Variants in ATRNL1 observed in about 807,000 individuals in gnomAD.
ATRNL1 encodes attractin-like protein 1.
A neutral mutation model predicts 182.7 loss-of-function variants in ATRNL1; 95 were observed. The ratio of observed to expected loss-of-function variants is 0.52; its 90% CI spans 0.44 to 0.62. The LOEUF is 0.62. Among genes scored for constraint, ATRNL1 ranks in the 20% least tolerant of loss-of-function variants. ATRNL1 has a pLI of 0.00. For synonymous variants in ATRNL1, 576 were observed against 568.3 expected (o/e 1.01, Z -0.19); for missense variants, 1,471 against 1,679.5 (o/e 0.88, Z 2.17).
chr10:115,869,050 T>C (rs1290994392), intron 28 of ATRNL1, among the ~76,000 whole-genome samples: 1 of 151,896 alleles, frequency 6.6e-6, no homozygotes, highest in Non-Finnish European at 1.5e-5. Flanking sequence ...AGGATTGTCT[T>C]GATCTCCTGA....
At chr10:115,391,626 T>C (rs1377130457) in intron 19 of ATRNL1, among the ~76,000 whole-genome samples, 50 of 152,242 alleles carry the variant, frequency 3.3e-4, no homozygotes, top group Admixed American at 2.3e-3. Flanking sequence ...AATGCATTTT[T>C]TTTTTTCTTT....
chr10:115,756,405 C>G lies in ATRNL1; in HGVS notation c.3903+29050C>G, dbSNP rs182134388. On this transcript the variant is annotated intron_variant, in intron 27 of 28. Coordinates refer to ENST00000355044, the MANE Select transcript of ATRNL1 (RefSeq NM_207303.4). ...TTTAAAAGAACATCTTTATTTCTGC[C>G]TTAATTTCATTACTTATCCACTAGT... Among the ~76,000 whole-genome samples the G allele has an allele frequency of 3.8e-3, 581 of 152,242 alleles. 3 individuals carry two copies. Among genetic ancestry groups the G allele is most frequent in the African/African-American group, 0.013 (548 of 41,554 alleles).
intron 8 of ATRNL1, among the ~76,000 whole-genome samples, chr10:115,173,286 G>A (rs1847366303): frequency 6.6e-6 from 1 of 151,914 alleles, no homozygotes; most frequent in Non-Finnish European, 1.5e-5. Context: ...TAGAAGGGCA[G>A]TTTTCTTTTC....
intron 7 of ATRNL1, among the ~76,000 whole-genome samples, chr10:115,170,154 C>G (rs188626812): frequency 2.0e-4 from 30 of 152,230 alleles, no homozygotes; most frequent in Admixed American, 1.2e-3. Context: ...CTGGAACATC[C>G]ACTACAATGT....
intron 24 of ATRNL1, among the ~76,000 whole-genome samples, chr10:115,478,676 A>G (rs1848634713): frequency 6.6e-6 from 1 of 151,710 alleles, no homozygotes; most frequent in Non-Finnish European, 1.5e-5. Flanking sequence ...ACTTAAGGGA[A>G]AGGCTTTAAC....
rs558095278 is a variant in ATRNL1, at chr10:115,871,263, A to G, written c.4018+23272A>G. Among the ~76,000 whole-genome samples, 25 of 151,924 alleles carry G rather than the reference A, an allele frequency of 1.6e-4. 3 individuals carry two copies. The South Asian group carries it at 4.8e-3, about 29-fold the overall frequency. On this transcript the variant is annotated intron_variant, in intron 28 of 28. Coordinates refer to ENST00000355044, the MANE Select transcript of ATRNL1 (RefSeq NM_207303.4). ...CCCTTTACACTAAGGCATTATTCCC[A>G]TAATCTTACAAATTTCCCATAATCT...
At chr10:115,115,847 A>G (rs1236787562) in intron 1 of ATRNL1, among the ~76,000 whole-genome samples, 1 of 152,156 alleles carries the variant, frequency 6.6e-6, no homozygotes, top group Non-Finnish European at 1.5e-5. Flanking sequence ...AGGATAGACA[A>G]CAACATCCCA....
intron 8 of ATRNL1, among the ~76,000 whole-genome samples, chr10:115,177,446 AT>A (rs1332878478): frequency 1.3e-5 from 2 of 152,194 alleles, no homozygotes; most frequent in Admixed American, 1.3e-4. Context: ...ATGAGACAGG[AT>A]TTCAGTGAAA....
chr10:115,771,741 T>G (rs1948998573), intron 27 of ATRNL1, among the ~76,000 whole-genome samples: 1 of 152,162 alleles, frequency 6.6e-6, no homozygotes, highest in African/African-American at 2.4e-5. Context: ...ACATAAGAGA[T>G]CATAGATGTA....
At chr10:115,386,741 G>A (rs1858376496) in intron 19 of ATRNL1, among the ~76,000 whole-genome samples, 1 of 150,818 alleles carries the variant, frequency 6.6e-6, no homozygotes, top group Non-Finnish European at 1.5e-5. Flanking sequence ...GTATACATGT[G>A]CCATGCTGGT....
intron 20 of ATRNL1, among the ~76,000 whole-genome samples, chr10:115,405,848 C>A (rs1382373955): frequency 8.8e-6 from 1 of 113,264 alleles, no homozygotes; most frequent in Non-Finnish European, 1.7e-5. Context: ...CCCCCTCCCC[C>A]CACCCCACAA....
At chr10:115,587,655 G>A (rs1434257042) in intron 26 of ATRNL1, among the ~76,000 whole-genome samples, 2 of 152,150 alleles carry the variant, frequency 1.3e-5, no homozygotes, top group African/African-American at 2.4e-5. Flanking sequence ...TGCACCCACT[G>A]TCTGGCACTC....
chr10:115,221,606 T>C (rs1031566214), intron 9 of ATRNL1, among the ~76,000 whole-genome samples: 2 of 152,184 alleles, frequency 1.3e-5, no homozygotes, highest in Non-Finnish European at 2.9e-5. Flanking sequence ...ACAGGCATTT[T>C]GTGTAATTTT....
intron 9 of ATRNL1, among the ~76,000 whole-genome samples, chr10:115,237,778 G>T (rs1340961245): frequency 2.0e-5 from 3 of 152,154 alleles, no homozygotes; most frequent in Non-Finnish European, 2.9e-5. Flanking sequence ...TTTTGTTGCT[G>T]TATCTAAAAT....
intron 19 of ATRNL1, among the ~76,000 whole-genome samples, chr10:115,361,332 A>G (rs114511556): frequency 0.013 from 1,895 of 151,420 alleles, 34 homozygotes; most frequent in African/African-American, 0.043. Context: ...TATGTGTGTA[A>G]TCCTTTCATT....
At chr10:115,700,161 GC>G (rs1555051066) in intron 26 of ATRNL1, among the ~76,000 whole-genome samples, 1 of 152,012 alleles carries the variant, frequency 6.6e-6, no homozygotes, top group African/African-American at 2.4e-5. Context: ...AAATGTGTGT[GC>G]CTTTTTTGGT....
chr10:115,219,650 G>A (rs1849369024), intron 9 of ATRNL1, among the ~76,000 whole-genome samples: 1 of 152,148 alleles, frequency 6.6e-6, no homozygotes, highest in South Asian at 2.1e-4. Flanking sequence ...TGCCTGTGAT[G>A]CCAGCACTTT....
chr10:115,413,912 T>C (rs781801721), intron 20 of ATRNL1, among the ~76,000 whole-genome samples: 2 of 152,060 alleles, frequency 1.3e-5, no homozygotes, highest in Non-Finnish European at 2.9e-5. Flanking sequence ...AATTTATTTA[T>C]GTGCACATAT....
chr10:115,479,844 G>A (rs1222026749), intron 24 of ATRNL1, among the ~76,000 whole-genome samples: 1 of 151,272 alleles, frequency 6.6e-6, no homozygotes, highest in Non-Finnish European at 1.5e-5. Context: ...CAAAAAAAGT[G>A]TATTGAACTT....
Sources: allele counts gnomAD v4.1 joint callset (sites outside exome capture counted in the v4.1 genomes callset), GRCh38; gene constraint gnomAD v4.1.1; transcripts MANE v1.5; gene names NCBI Gene and HGNC (gene_info 2026-07-23, HGNC 2026-07-21).